The following ALDH9A1 variants were observed in gnomAD, a reference collection of about 807,000 sequenced individuals.
ALDH9A1 encodes aldehyde dehydrogenase 9 family member A1.
ALDH9A1 carries 42 observed loss-of-function variants against 56.6 expected under a neutral mutation model. The observed-to-expected ratio is 0.74, with a 90% confidence interval of 0.58 to 0.96. The LOEUF is 0.96. Among genes scored for constraint, ALDH9A1 ranks in the 40% least tolerant of loss-of-function variants. The pLI, the probability that ALDH9A1 is intolerant of heterozygous loss-of-function variation, is 0.00. For synonymous variants in ALDH9A1, 242 were observed against 236.0 expected, an observed-to-expected ratio of 1.03 and a Z score of -0.23; for missense variants, 661 against 651.5, an observed-to-expected ratio of 1.01 and a Z score of -0.16.
At chr1:165,693,579 T>C (rs981430767) in intron 2 of ALDH9A1, among the ~76,000 whole-genome samples, 1 of 152,114 alleles carries the variant, frequency 6.6e-6, no homozygotes, top group Admixed American at 6.5e-5. Context: ...GTGCTGGAGA[T>C]GATGTGGAGA....
chr1:165,688,052 C>T (rs958962854), intron 2 of ALDH9A1, among the ~76,000 whole-genome samples: 1 of 152,002 alleles, frequency 6.6e-6, no homozygotes, highest in Non-Finnish European at 1.5e-5. Flanking sequence ...TACAGTGGCA[C>T]ACACGTACAG....
chr1:165,674,499 C>A (rs1336771133), intron 6 of ALDH9A1, among the ~76,000 whole-genome samples: 1 of 151,570 alleles, frequency 6.6e-6, no homozygotes, highest in Non-Finnish European at 1.5e-5. Flanking sequence ...CCAGCCTGGC[C>A]AACATGGAGA....
chr1:165,665,924 G>A (rs185006383), intron 9 of ALDH9A1, among the ~76,000 whole-genome samples: 3 of 151,954 alleles, frequency 2.0e-5, no homozygotes, highest in African/African-American at 4.8e-5. Flanking sequence ...CAACAGAAAC[G>A]AAAATATATG....
At chr1:165,663,988 C>T (rs999747573) in intron 10 of ALDH9A1, among the ~76,000 whole-genome samples, 1 of 152,236 alleles carries the variant, frequency 6.6e-6, no homozygotes, top group Non-Finnish European at 1.5e-5. Context: ...CTCCAAAGGC[C>T]TAAGCTGCTG....
Position 165,668,989 on chromosome 1 carries a change from C to T in ALDH9A1, c.1144G>A (p.Asp382Asn), listed in dbSNP as rs375972409. 6.2e-7 allele frequency: 1 copy of T among 1,611,644 alleles called. No homozygotes were observed. The highest frequency in any genetic ancestry group is 1.7e-5 in the Admixed American group (1 of 59,766). The change falls in exon 8 of 11, where the codon GAT becomes AAT. Residue 382 changes from aspartate to asparagine, a missense_variant. Asp to Asn is a conservative substitution (Grantham distance 23, BLOSUM62 1). Transcript: ENST00000354775. ...TTGGGATCTTCAGGTACATATATAT[C>T]TCCACCACATAACACTTTAGCACCC... is the stretch of plus-strand genomic sequence containing the variant. ...EQGAKVLCGG[D>N]IYVPEDPKLK...
intron 2 of ALDH9A1, among the ~76,000 whole-genome samples, chr1:165,688,300 G>A (rs1649775755): frequency 6.6e-6 from 1 of 152,200 alleles, no homozygotes; most frequent in Admixed American, 6.5e-5. Flanking sequence ...TGGGGAGACA[G>A]AGCGAGACCT....
At position 165,698,381 on chromosome 1, in the gene ALDH9A1, T is replaced by C. The variant is rs769823154; in HGVS notation, c.178A>G (p.Thr60Ala). ...SGTEKAFEPATGRVIATFTCS... is the reference protein window; with the variant it reads ...SGTEKAFEPAAGRVIATFTCS... ...CTCCCCGGCTCGTTGCAGTTACCGG[T>C]TGCTGGCTCGAAAGCTTTCTCGGTA... The change falls in exon 1 of 11, where the codon ACC (threonine) becomes GCC (alanine). Residue 60 changes from threonine to alanine, a missense_variant. Physicochemically the swap from Thr to Ala is moderately conservative, Grantham distance 58 (BLOSUM62 0). Transcript: ENST00000354775. 5.7e-6 allele frequency: 9 copies of C among 1,591,274 alleles called. No homozygotes were observed. The South Asian group carries it at 7.9e-5, about 14-fold the overall frequency.
At chr1:165,678,910 A>G (rs1044101365) in intron 6 of ALDH9A1, among the ~76,000 whole-genome samples, 6 of 152,246 alleles carry the variant, frequency 3.9e-5, no homozygotes, top group Admixed American at 6.5e-5. Flanking sequence ...GTTCTCAGCT[A>G]AAGGAGATTA....
At position 165,698,471 on chromosome 1, in the gene ALDH9A1, A is replaced by G; in HGVS notation, c.88T>C (p.Phe30Leu). ...TAATTGAGCGGCTGCGACACGACGA[A>G]GGTGCCAGTGCTCATGGCGGCGACA... ...SPVAAMSTGT[F>L]VVSQPLNYRG... Residue 30 changes from phenylalanine to leucine, a missense_variant, in exon 1 of 11, where the codon TTC becomes CTC. Physicochemically the swap from Phe to Leu is conservative, Grantham distance 22. Transcript: ENST00000354775. The G allele has an allele frequency of 6.2e-7, 1 of 1,608,326 alleles. No individual in the cohort carries two copies. The highest frequency in any genetic ancestry group is 8.5e-7 in the Non-Finnish European group (1 of 1,177,776).
intron 3 of ALDH9A1, 21 bp downstream of exon 3, chr1:165,682,960 A>G: frequency 6.2e-7 from 1 of 1,610,660 alleles, no homozygotes; most frequent in South Asian, 1.1e-5. Context: ...AGCTGGTCAC[A>G]GACACCAGGT....
intron 5 of ALDH9A1, 142 bp from the exon 6 acceptor site, chr1:165,679,724 G>T (rs2101746512): frequency 2.3e-6 from 2 of 873,630 alleles, no homozygotes; most frequent in Non-Finnish European, 3.5e-6. Context: ...TTGCCTTTTG[G>T]CTATTAAAAT....
intron 6 of ALDH9A1, among the ~76,000 whole-genome samples, chr1:165,672,927 A>T (rs1044742819): frequency 1.3e-5 from 2 of 151,102 alleles, no homozygotes; most frequent in African/African-American, 4.9e-5. Context: ...ACAGAGTAAG[A>T]TCCTGTCTCC....
intron 2 of ALDH9A1, among the ~76,000 whole-genome samples, chr1:165,683,774 T>C (rs963600715): frequency 1.3e-5 from 2 of 152,116 alleles, no homozygotes; most frequent in African/African-American, 2.4e-5. Context: ...TTACTAAGGA[T>C]AAAGAAATTC....
intron 6 of ALDH9A1, among the ~76,000 whole-genome samples, chr1:165,670,290 GGGTGTGGTGACAC>G (rs1649135461): frequency 6.6e-6 from 1 of 152,072 alleles, no homozygotes; most frequent in South Asian, 2.1e-4. Context: ...AAAATTAGTT[GGGTGTGGTGACAC>G]GCACCTGTAG....
At chr1:165,695,860 T>C (rs1650066830) in intron 1 of ALDH9A1, among the ~76,000 whole-genome samples, 1 of 151,568 alleles carries the variant, frequency 6.6e-6, no homozygotes, top group Non-Finnish European at 1.5e-5. Context: ...TTTTGTTTTT[T>C]TGTTTTTTAA....
At chr1:165,679,409 C>CCT (rs1206710014) in intron 6 of ALDH9A1, 33 bp downstream of exon 6, 1 of 1,608,370 alleles carries the variant, frequency 6.2e-7, no homozygotes, top group South Asian at 1.1e-5. Context: ...GGTAGAGATT[C>CCT]CTTTTACACC....
At chr1:165,668,164 T>C (rs975329851) in intron 8 of ALDH9A1, among the ~76,000 whole-genome samples, 23 of 152,326 alleles carry the variant, frequency 1.5e-4, no homozygotes, top group Admixed American at 3.9e-4. Context: ...TTATCTGACA[T>C]ACTGGTTTTA....
intron 2 of ALDH9A1, among the ~76,000 whole-genome samples, chr1:165,687,756 G>A (rs191733710): frequency 2.3e-4 from 35 of 152,272 alleles, no homozygotes; most frequent in Non-Finnish European, 4.1e-4. Flanking sequence ...GGGAAGCCGA[G>A]GTGGGCGGAT....
intron 6 of ALDH9A1, among the ~76,000 whole-genome samples, chr1:165,673,565 G>C (rs567982221): frequency 6.6e-6 from 1 of 152,014 alleles, no homozygotes; most frequent in Non-Finnish European, 1.5e-5. Context: ...AGATCCTCCC[G>C]ACCCAAAAGA....
Sources: allele counts gnomAD v4.1 joint callset (sites outside exome capture counted in the v4.1 genomes callset), GRCh38; gene constraint gnomAD v4.1.1; transcripts MANE v1.5; gene names NCBI Gene and HGNC (gene_info 2026-07-23, HGNC 2026-07-21).